Variants in ABCA4 observed in about 807,000 individuals in gnomAD.
ABCA4 encodes the protein retinal-specific phospholipid-transporting ATPase ABCA4.
A neutral mutation model predicts 263.7 loss-of-function variants in ABCA4; 196 were observed. The observed-to-expected ratio is 0.74, with a 90% CI of 0.66 to 0.84. ABCA4 has a LOEUF of 0.84. ABCA4 is among the 40% of genes least tolerant of loss of function. ABCA4 has a pLI of 0.00. For missense variants in ABCA4, 2,792 were observed against 2,855.1 expected, an observed-to-expected ratio of 0.98 and a Z score of 0.50; for synonymous variants, 1,133 against 1,094.2, an observed-to-expected ratio of 1.04 and a Z score of -0.70.
intron 37 of ABCA4, 24 bp from the exon 38 acceptor site, chr1:94,014,714 A>G: frequency 1.9e-6 from 3 of 1,613,998 alleles, no homozygotes; most frequent in Non-Finnish European, 2.5e-6. Context: ...GACAACTCAG[A>G]GTGATGGAGT....
Position 94,021,327 on chromosome 1 carries a change from G to A in ABCA4, c.4931C>T (p.Pro1644Leu). 1 of 1,614,198 alleles carries A rather than the reference G, an allele frequency of 6.2e-7. No homozygotes were observed. Among genetic ancestry groups the A allele is most frequent in the Non-Finnish European group, 8.5e-7 (1 of 1,180,036 alleles). Residue 1644 changes from proline to leucine, a missense_variant, in exon 35 of 50, where the codon CCT becomes CTT. Physicochemically the swap from Pro to Leu is moderately conservative, Grantham distance 98. Coordinates refer to ENST00000370225, the MANE Select transcript of ABCA4 (RefSeq NM_000350.3). ...ATACTCCTCGGGGCTCCTGTCCTTA[G>A]GCAGGCTGGCCCGTAAGATGGCGTT... ...AHNAILRASL[P>L]KDRSPEEYGI...
At chr1:94,091,545 A>G (rs1242694365) in intron 6 of ABCA4, among the ~76,000 whole-genome samples, 2 of 151,878 alleles carry the variant, frequency 1.3e-5, no homozygotes, top group Non-Finnish European at 2.9e-5. Context: ...ATTTCTGGAA[A>G]AAAAAGTCAC....
chr1:94,062,781 G>A, intron 12 of ABCA4, 28 bp from the exon 13 acceptor site: 1 of 1,610,816 alleles, frequency 6.2e-7, no homozygotes, highest in East Asian at 2.2e-5. Context: ...GACAAAGGAT[G>A]GGAACGGGCT....
chr1:94,087,577 G>A (rs1377274847), intron 6 of ABCA4, among the ~76,000 whole-genome samples: 1 of 152,184 alleles, frequency 6.6e-6, no homozygotes, highest in Admixed American at 6.5e-5. Context: ...GGCAGCACAG[G>A]TGTTTGGAGG....
intron 31 of ABCA4, among the ~76,000 whole-genome samples, chr1:94,023,779 T>G (rs1290443948): frequency 1.3e-5 from 2 of 152,132 alleles, no homozygotes; most frequent in African/African-American, 4.8e-5. Context: ...TCTTCCACCC[T>G]GCAAAAATGA....
chr1:94,086,293 C>G (rs1191958800), intron 6 of ABCA4, among the ~76,000 whole-genome samples: 1 of 152,214 alleles, frequency 6.6e-6, no homozygotes, highest in East Asian at 1.9e-4. Context: ...TTTCTGTACA[C>G]TCATCGATGT....
intron 21 of ABCA4, 92 bp downstream of exon 21, chr1:94,043,244 C>G: frequency 6.4e-7 from 1 of 1,573,448 alleles, no homozygotes. Flanking sequence ...CCCTTAGAAG[C>G]TCTCCTGCTC....
intron 31 of ABCA4, among the ~76,000 whole-genome samples, chr1:94,024,309 G>A (rs560118677): frequency 1.7e-4 from 26 of 152,116 alleles, no homozygotes; most frequent in Admixed American, 2.6e-4. Flanking sequence ...GTTCTGATAC[G>A]GGCTGCCAAA....
chr1:94,116,968 C>CTTTCTTTTTCTTTCTTTCTT (rs764312285), intron 1 of ABCA4, among the ~76,000 whole-genome samples: 18 of 99,940 alleles, frequency 1.8e-4, no homozygotes, highest in African/African-American at 7.3e-4. Context: ...TTCTTTCTTT[C>CTTTCTTTTTCTTTCTTTCTT]TCTTTCTTTC....
chr1:94,013,221 C>A (rs949550904), intron 38 of ABCA4, among the ~76,000 whole-genome samples: 1 of 33,534 alleles, frequency 3.0e-5, no homozygotes, highest in Non-Finnish European at 1.3e-4. Context: ...GTGTTCTTAT[C>A]CCCCCGCCTT....
chr1:94,028,723 A>G (rs983214955), intron 30 of ABCA4, among the ~76,000 whole-genome samples: 6 of 152,006 alleles, frequency 3.9e-5, no homozygotes, highest in Non-Finnish European at 2.9e-5. Flanking sequence ...CCTGGCCAAC[A>G]TGGTAAAACC....
chr1:94,062,786 C>T (rs182370278), intron 12 of ABCA4, 33 bp from the exon 13 acceptor site: 35 of 1,608,734 alleles, frequency 2.2e-5, no homozygotes, highest in Middle Eastern at 3.3e-4. Flanking sequence ...AGGATGGGAA[C>T]GGGCTTGGAT....
intron 17 of ABCA4, among the ~76,000 whole-genome samples, chr1:94,049,796 A>G (rs1341895848): frequency 2.0e-5 from 3 of 152,082 alleles, no homozygotes; most frequent in Non-Finnish European, 1.5e-5. Context: ...GCCTGGACAA[A>G]TTGTGAAGTG....
intron 11 of ABCA4, among the ~76,000 whole-genome samples, chr1:94,064,099 G>A (rs1232712974): frequency 3.9e-5 from 6 of 152,124 alleles, no homozygotes; most frequent in Admixed American, 1.3e-4. Context: ...GAGGGCTATT[G>A]GTGTCGACAT....
intron 6 of ABCA4, among the ~76,000 whole-genome samples, chr1:94,091,581 A>T (rs796577321): frequency 4.6e-3 from 9 of 1,962 alleles, no homozygotes; most frequent in African/African-American, 5.3e-3. Context: ...ACATCATCTC[A>T]CACACACACA....
chr1:94,098,086 T>C (rs1223246851), intron 6 of ABCA4, among the ~76,000 whole-genome samples: 5 of 152,070 alleles, frequency 3.3e-5, no homozygotes, highest in Admixed American at 3.3e-4. Flanking sequence ...CTTTGCAGTG[T>C]GAAAACCTCT....
intron 16 of ABCA4, among the ~76,000 whole-genome samples, chr1:94,052,098 C>G (rs561809401): frequency 1.3e-5 from 2 of 152,162 alleles, no homozygotes; most frequent in South Asian, 2.1e-4. Context: ...ATAATCTAAA[C>G]CTCAAAACAA....
In ABCA4 at chr1:94,029,640, A is replaced by T; in HGVS notation, c.4353-9T>A. On this transcript the variant is annotated splice_polypyrimidine_tract_variant and intron_variant, in intron 29 of 49. Coordinates refer to ENST00000370225, the MANE Select transcript of ABCA4 (RefSeq NM_000350.3). ...TGCCACAGGGGTACTCCCTCATGGA[A>T]GACAAGAAAATATTCCATAATCAGC... 6.2e-7 allele frequency: 1 copy of T among 1,611,344 alleles called. No individual in the cohort carries two copies. Among genetic ancestry groups the T allele is most frequent in the Non-Finnish European group, 8.5e-7 (1 of 1,178,608 alleles).
chr1:93,996,686 T>A (rs6677398), intron 48 of ABCA4, among the ~76,000 whole-genome samples: 9,115 of 151,396 alleles, frequency 0.06, 911 homozygotes, highest in African/African-American at 0.21. Context: ...ATGTTTATTT[T>A]TAAAAAAACA....
Sources: allele counts gnomAD v4.1 joint callset (sites outside exome capture counted in the v4.1 genomes callset), GRCh38; gene constraint gnomAD v4.1.1; transcripts MANE v1.5; gene names NCBI Gene and HGNC (gene_info 2026-07-23, HGNC 2026-07-21).